Variants in CTDP1 observed in about 807,000 individuals in gnomAD.
The protein encoded by CTDP1 is RNA polymerase II subunit A C-terminal domain phosphatase.
Under a neutral mutation model 91.8 loss-of-function variants are expected in CTDP1, and 47 were observed. The ratio of observed to expected loss-of-function variants is 0.51; its 90% CI spans 0.41 to 0.65. The LOEUF (loss-of-function observed/expected upper bound fraction) is 0.65. CTDP1 is among the 30% of genes least tolerant of loss of function. The probability of loss-of-function intolerance (pLI) is 0.00; values close to 1 mark genes in which losing one functional copy is unlikely to be tolerated. For missense variants in CTDP1, 1,272 were observed against 1,373.7 expected (o/e 0.93, Z 1.17); for synonymous variants, 656 against 598.5 (o/e 1.10, Z -1.40).
At chr18:79,718,166 GC>G (rs1205406389) in intron 10 of CTDP1, 150 bp downstream of exon 10, 2 of 892,462 alleles carry the variant, frequency 2.2e-6, no homozygotes, top group African/African-American at 1.7e-5. Context: ...TGGGAGCGCC[GC>G]CCCCGCTTGC....
chr18:79,731,705 C>G (rs1024690482), intron 11 of CTDP1, among the ~76,000 whole-genome samples: 7 of 152,328 alleles, frequency 4.6e-5, no homozygotes, highest in Admixed American at 3.9e-4. Context: ...TTGAAGAAAC[C>G]TGAAAGCCAT....
chr18:79,680,146 C>T lies in CTDP1; in HGVS notation c.199C>T (p.Arg67Cys). 2.8e-6 allele frequency: 4 copies of T among 1,425,318 alleles called. No individual in the cohort carries two copies. The highest frequency in any genetic ancestry group is 2.7e-6 in the Non-Finnish European group (3 of 1,091,422). 88.3% of individuals were successfully genotyped at this position (1,425,318 alleles called of 1,614,324 possible). A position where few individuals can be genotyped will look rare whatever the true frequency, so the allele number is the denominator to read the frequency against. The change falls in exon 1 of 13, where the codon CGT becomes TGT. Residue 67 changes from arginine (R) to cysteine (C), a missense_variant. Arg to Cys is a radical substitution (Grantham distance 180, BLOSUM62 -3). This residue lies in a region of CTDP1 where 214 missense variants were observed against 179.1 expected (regional missense o/e 1.19). Coordinates refer to ENST00000613122, the MANE Select transcript of CTDP1 (RefSeq NM_004715.5). Reference sequence around the variant, plus strand: ...GCAGTCCTCCGGGGCCTCTCAGTCCCGTGTAGCCTCCGGGGGCTGCGTGCG... The same window carrying T: ...GCAGTCCTCCGGGGCCTCTCAGTCCTGTGTAGCCTCCGGGGGCTGCGTGCG... The part of the protein sequence containing the change: ...SAQSSGASQS[R>C]VASGGCVRPA...
intron 1 of CTDP1, among the ~76,000 whole-genome samples, chr18:79,680,672 A>C (rs2085344870): frequency 6.6e-6 from 1 of 152,194 alleles, no homozygotes; most frequent in Non-Finnish European, 1.5e-5. Context: ...CACATCTTTA[A>C]ATTTTTGTAA....
Position 79,717,858 on chromosome 18 carries a change from C to G in CTDP1, c.2259C>G (p.Thr753=). 1 of 1,613,682 alleles carries G rather than the reference C, an allele frequency of 6.2e-7. No homozygotes were observed. The highest frequency in any genetic ancestry group is 1.7e-5 in the Admixed American group (1 of 60,028). ...CCGACCGGGAGGGTGTGCCCCCCAC[C>G]GCCTTGTTCCACCCGATGCCGGTTC... ...AFPDREGVPP[T]ALFHPMPVLP... The change falls in exon 10 of 13, where the codon ACC becomes ACG. Residue 753 remains threonine (T), a synonymous_variant. Transcript: ENST00000613122.
intron 10 of CTDP1, among the ~76,000 whole-genome samples, chr18:79,723,924 A>C (rs2122703948): frequency 6.6e-6 from 1 of 152,246 alleles, no homozygotes; most frequent in South Asian, 2.1e-4. Flanking sequence ...CGTGCCCCTC[A>C]TTCATGTCCT....
chr18:79,687,173 T>A (rs1237700864), intron 1 of CTDP1, among the ~76,000 whole-genome samples: 2 of 65,554 alleles, frequency 3.1e-5, no homozygotes, highest in East Asian at 5.5e-4. Flanking sequence ...GTTGGCTTCG[T>A]CAGTTCACTG....
At chr18:79,680,869 C>G (rs887440804) in intron 1 of CTDP1, 1 of 152,264 alleles carries the variant, frequency 6.6e-6, no homozygotes, top group Non-Finnish European at 1.5e-5. Context: ...TGCTCTGACC[C>G]CAGAAGGGGA....
rs546336136 is a variant in CTDP1 at position 79,689,409 on chromosome 18, G to A, written c.315-5816G>A. On this transcript the variant is annotated intron_variant, in intron 1 of 12. Transcript: ENST00000613122. ...TCTGTCAGTGATTCCTGCTTGAATCGCTTCATTTCTAGGATGATAGTCCAG... is the reference window on the plus strand; with the variant it reads ...TCTGTCAGTGATTCCTGCTTGAATCACTTCATTTCTAGGATGATAGTCCAG... Among the ~76,000 whole-genome samples, 5 of 152,198 alleles carry A rather than the reference G, an allele frequency of 3.3e-5. No homozygotes were observed. The South Asian group carries it at 1.0e-3, about 32-fold the overall frequency.
At chr18:79,748,887 TG>T in intron 12 of CTDP1, among the ~76,000 whole-genome samples, 1 of 151,764 alleles carries the variant, frequency 6.6e-6, no homozygotes, top group South Asian at 2.1e-4. Flanking sequence ...TTGCCGTGTC[TG>T]TGTGTTTGCC....
chr18:79,754,047 C>T lies in CTDP1; in HGVS notation c.*257C>T. 3.7e-6 allele frequency: 2 copies of T among 537,962 alleles called. No homozygotes were observed. The highest frequency in any genetic ancestry group is 2.0e-5 in the South Asian group (1 of 48,996). The allele number at this position is 537,962 out of a possible 1,614,324, so 33.3% of individuals were successfully genotyped here. On this transcript the variant is annotated 3_prime_UTR_variant, in exon 13 of 13. Transcript: ENST00000613122. Reference sequence around the variant, plus strand: ...TGCCAAAGAGCTCAGCAGAGGCTCACGTGGCCCAGGCTGGTGCGCCCGCTG... The same window carrying T: ...TGCCAAAGAGCTCAGCAGAGGCTCATGTGGCCCAGGCTGGTGCGCCCGCTG...
chr18:79,695,360 C>A, intron 2 of CTDP1, 52 bp downstream of exon 2: 1 of 1,537,978 alleles, frequency 6.5e-7, no homozygotes, highest in African/African-American at 1.4e-5. Flanking sequence ...GAGGTGGTGG[C>A]CTCCGGGGAG....
chr18:79,736,254 C>G lies in CTDP1; in HGVS notation c.2581-101C>G. ...AGCAGAGTGCTACCTCCAGCCCCCA[C>G]CCTGCTGCACTCAGAGCCCTGGACT... On this transcript the variant is annotated intron_variant, in intron 11 of 12. Transcript: ENST00000613122. The G allele has an allele frequency of 8.9e-6, 13 of 1,467,698 alleles. No individual in the cohort carries two copies. The South Asian group carries it at 1.1e-4, about 12-fold the overall frequency. The allele number at this position is 1,467,698 out of a possible 1,614,324, so 90.9% of individuals were successfully genotyped here. A position where few individuals can be genotyped will look rare whatever the true frequency, so the allele number is the denominator to read the frequency against.
intron 1 of CTDP1, among the ~76,000 whole-genome samples, chr18:79,689,067 A>G (rs2085567487): frequency 6.6e-6 from 1 of 152,216 alleles, no homozygotes; most frequent in Non-Finnish European, 1.5e-5. Flanking sequence ...ACGTGCTCTT[A>G]CATAGCACTA....
intron 4 of CTDP1, among the ~76,000 whole-genome samples, chr18:79,698,801 A>G (rs1039830274): frequency 2.0e-5 from 3 of 152,216 alleles, no homozygotes; most frequent in South Asian, 2.1e-4. Context: ...GCAGGTCCCA[A>G]TAGCAGACAC....
Position 79,717,691 on chromosome 18 carries a change from C to A in CTDP1, c.2210+15C>A. On this transcript the variant is annotated intron_variant, in intron 9 of 12. Coordinates refer to ENST00000613122, the MANE Select transcript of CTDP1 (RefSeq NM_004715.5). ...AAGGCACAGAGGTGGGTCCTCGCTG[C>A]ACCCAGCAGGTCCGTGCCAGGCGTT... The A allele has an allele frequency of 1.2e-6, 2 of 1,614,006 alleles. No homozygotes were observed. The highest frequency in any genetic ancestry group is 1.7e-6 in the Non-Finnish European group (2 of 1,179,984).
At chr18:79,696,631 G>C (rs1052059811) in intron 3 of CTDP1, among the ~76,000 whole-genome samples, 5 of 152,196 alleles carry the variant, frequency 3.3e-5, no homozygotes, top group Non-Finnish European at 5.9e-5. Context: ...GGGCGGGTTG[G>C]GGGTCCCAGG....
rs373026967 is a variant in CTDP1 at position 79,729,085 on chromosome 18, G to A, written c.2580+16G>A. The stretch of plus-strand genomic sequence containing the variant: ...GGACAAAGAGGTGAGCCAACCCCAC[G>A]CCCCGGTGCCCGCGCCAGCGCTCGT... On this transcript the variant is annotated intron_variant, in intron 11 of 12. Coordinates refer to ENST00000613122, the MANE Select transcript of CTDP1 (RefSeq NM_004715.5). 2.5e-4 allele frequency: 395 copies of A among 1,612,154 alleles called. No homozygotes were observed. The highest frequency in any genetic ancestry group is 3.2e-4 in the Non-Finnish European group (376 of 1,179,974).
chr18:79,722,500 G>A (rs2086364781), intron 10 of CTDP1, among the ~76,000 whole-genome samples: 1 of 152,292 alleles, frequency 6.6e-6, no homozygotes, highest in East Asian at 1.9e-4. Flanking sequence ...TCATTTATAC[G>A]AAAGGATGTT....
chr18:79,679,335 C>T (rs1450563807), upstream of CTDP1: 11 of 444,488 alleles, frequency 2.5e-5, no homozygotes, highest in Non-Finnish European at 2.3e-5. Flanking sequence ...CCTCACGTCT[C>T]TGGGCCCGCG....
Sources: allele counts gnomAD v4.1 joint callset (sites outside exome capture counted in the v4.1 genomes callset), GRCh38; gene constraint gnomAD v4.1.1; regional missense constraint gnomAD v4.1.1; transcripts MANE v1.5; gene names NCBI Gene and HGNC (gene_info 2026-07-23, HGNC 2026-07-21).